Variants in PTPRD observed in about 807,000 individuals in gnomAD.
PTPRD encodes receptor-type tyrosine-protein phosphatase delta.
A neutral mutation model predicts 214.5 loss-of-function variants in PTPRD; 34 were observed. The ratio of observed to expected loss-of-function variants is 0.16; its 90% CI spans 0.12 to 0.21. The LOEUF (loss-of-function observed/expected upper bound fraction) is 0.21. Among genes scored for constraint, PTPRD ranks in the 10% least tolerant of loss-of-function variants. The probability of loss-of-function intolerance (pLI) is 1.00; values close to 1 mark genes in which losing one functional copy is unlikely to be tolerated. For synonymous variants in PTPRD, 1,128 were observed against 845.7 expected (o/e 1.33, Z -5.79); for missense variants, 2,545 against 2,398.7 (o/e 1.06, Z -1.27).
At position 9,536,497 on chromosome 9, in the gene PTPRD, G is replaced by A. The variant is rs62534660; in HGVS notation, c.-237+38235C>T. Among the ~76,000 whole-genome samples, 8 of 152,150 alleles carry A rather than the reference G, an allele frequency of 5.3e-5. No homozygotes were observed. The East Asian group carries it at 9.7e-4, about 18-fold the overall frequency. On this transcript the variant is annotated intron_variant, in intron 8 of 45. Transcript: ENST00000381196. ...AATCAGTAATATCCATGCATCTGTT[G>A]AAAACCAATCAACCCGTTTAAGATT...
chr9:8,899,862 T>C (rs2098652579), intron 11 of PTPRD, among the ~76,000 whole-genome samples: 1 of 152,188 alleles, frequency 6.6e-6, no homozygotes, highest in African/African-American at 2.4e-5. Context: ...GGTTAAAATC[T>C]AGACATTCAA....
intron 3 of PTPRD, among the ~76,000 whole-genome samples, chr9:10,260,978 G>A (rs903962050): frequency 1.4e-5 from 2 of 146,462 alleles, no homozygotes; most frequent in East Asian, 3.9e-4. Flanking sequence ...ATATATGTGT[G>A]TATATATATG....
chr9:8,901,652 T>C (rs752105936), intron 11 of PTPRD, among the ~76,000 whole-genome samples: 2 of 152,184 alleles, frequency 1.3e-5, no homozygotes, highest in African/African-American at 4.8e-5. Context: ...GTTCCCCTTC[T>C]TTCTCTGGCT....
chr9:10,507,694 G>A (rs1162133732), intron 2 of PTPRD, among the ~76,000 whole-genome samples: 2 of 152,092 alleles, frequency 1.3e-5, no homozygotes, highest in Non-Finnish European at 2.9e-5. Context: ...AACAAGAAAT[G>A]GGGAAAGGAG....
intron 11 of PTPRD, among the ~76,000 whole-genome samples, chr9:8,868,826 CTCAT>C (rs745805082): frequency 6.6e-6 from 1 of 152,150 alleles, no homozygotes; most frequent in Non-Finnish European, 1.5e-5. Flanking sequence ...CATCCCGCTG[CTCAT>C]TCAATCAAAC....
intron 5 of PTPRD, among the ~76,000 whole-genome samples, chr9:9,775,679 C>T (rs2154485507): frequency 6.6e-6 from 1 of 152,240 alleles, no homozygotes; most frequent in Admixed American, 6.5e-5. Context: ...TGCGGTGGCT[C>T]ACGCCTGTAA....
At chr9:9,950,360 C>T (rs2093327176) in intron 4 of PTPRD, among the ~76,000 whole-genome samples, 1 of 152,128 alleles carries the variant, frequency 6.6e-6, no homozygotes, top group Admixed American at 6.5e-5. Flanking sequence ...GCTAGGGAAG[C>T]TGGTGGAGAA....
chr9:10,047,325 TGTGTGTGTGTGTGC>T (rs2097422759), intron 3 of PTPRD, among the ~76,000 whole-genome samples: 1 of 150,598 alleles, frequency 6.6e-6, no homozygotes, highest in African/African-American at 2.4e-5. Flanking sequence ...TGTGTGTGTG[TGTGTGTGTGTGTGC>T]GTGTGTGTGT....
intron 8 of PTPRD, among the ~76,000 whole-genome samples, chr9:9,518,746 G>C (rs904856343): frequency 1.3e-5 from 2 of 151,764 alleles, no homozygotes; most frequent in African/African-American, 2.4e-5. Context: ...GAATGGACAA[G>C]GCAGCACAGT....
At chr9:9,239,756 C>T (rs942443024) in intron 9 of PTPRD, among the ~76,000 whole-genome samples, 2 of 152,158 alleles carry the variant, frequency 1.3e-5, no homozygotes, top group Non-Finnish European at 2.9e-5. Flanking sequence ...ATAGTCCTGT[C>T]CTCCCTGGCC....
intron 8 of PTPRD, among the ~76,000 whole-genome samples, chr9:9,416,117 G>C (rs568439244): frequency 1.4e-4 from 21 of 152,200 alleles, no homozygotes; most frequent in Middle Eastern, 3.4e-3. Context: ...TATCTCTTGA[G>C]GGCATTGCTT....
chr9:9,071,681 A>G (rs1260454012), intron 10 of PTPRD, among the ~76,000 whole-genome samples: 1 of 152,126 alleles, frequency 6.6e-6, no homozygotes, highest in Non-Finnish European at 1.5e-5. Flanking sequence ...ATTTTCCCCA[A>G]TCAAACCTAC....
At chr9:10,313,672 A>G (rs2096335736) in intron 3 of PTPRD, among the ~76,000 whole-genome samples, 1 of 151,932 alleles carries the variant, frequency 6.6e-6, no homozygotes, top group Non-Finnish European at 1.5e-5. Context: ...CATTAAGTCT[A>G]CTGCCAGTTC....
chr9:10,168,198 C>A (rs2099170994), intron 3 of PTPRD, among the ~76,000 whole-genome samples: 1 of 152,224 alleles, frequency 6.6e-6, no homozygotes, highest in African/African-American at 2.4e-5. Flanking sequence ...AATCAAACAT[C>A]TTACATAATA....
At chr9:10,143,125 G>T (rs2098998217) in intron 3 of PTPRD, among the ~76,000 whole-genome samples, 1 of 152,090 alleles carries the variant, frequency 6.6e-6, no homozygotes, top group Non-Finnish European at 1.5e-5. Context: ...GGACTGTTGT[G>T]AGGTGGGGGG....
rs146807692 is a variant in PTPRD, at chr9:8,500,558, G to GAAAAAAAAAAAAAAAAAAAAAAA, written c.2128+173_2128+195dup. Among the ~76,000 whole-genome samples, 7 of 14,316 alleles carry GAAAAAAAAAAAAAAAAAAAAAAA rather than the reference G, an allele frequency of 4.9e-4. 2 individuals are homozygous for GAAAAAAAAAAAAAAAAAAAAAAA. Among genetic ancestry groups the GAAAAAAAAAAAAAAAAAAAAAAA allele is most frequent in the East Asian group, 1.5e-3 (1 of 654 alleles). 9.4% of individuals were successfully genotyped at this position (14,316 alleles called of 152,430 possible). On this transcript the variant is annotated intron_variant, in intron 24 of 45. Transcript: ENST00000381196. ...TTACTGCATTGAGATTGAAAAAAAT[G>GAAAAAAAAAAAAAAAAAAAAAAA]AAAAAAAAAAAAAAAAAAAAAAAAA...
At chr9:9,180,844 A>G (rs1243578910) in intron 10 of PTPRD, among the ~76,000 whole-genome samples, 2 of 152,140 alleles carry the variant, frequency 1.3e-5, no homozygotes, top group Non-Finnish European at 2.9e-5. Context: ...CATGTCTTAC[A>G]ATATTTTTGT....
chr9:8,763,239 T>G (rs984837562), intron 11 of PTPRD, among the ~76,000 whole-genome samples: 3 of 152,176 alleles, frequency 2.0e-5, no homozygotes, highest in Non-Finnish European at 4.4e-5. Flanking sequence ...AGGCCAGGGA[T>G]AGTGGCTCAT....
In PTPRD at chr9:10,540,917, G is replaced by T. The variant is rs530957253; in HGVS notation, c.-600+71481C>A. ...GAGGCCAAAGAATGAAATACCAGGG[G>T]TGTTGCAGGTCAGTGCACTGGCAGG... On this transcript the variant is annotated intron_variant, in intron 2 of 45. Transcript: ENST00000381196. Among the ~76,000 whole-genome samples the T allele has an allele frequency of 3.3e-5, 5 of 152,226 alleles. No individual in the cohort carries two copies. In the East Asian group the frequency reaches 7.7e-4, roughly 24 times the overall value.
Sources: gnomAD v4.1 joint callset for allele counts (sites outside exome capture counted in the v4.1 genomes callset) on GRCh38, gnomAD v4.1.1 for gene constraint, MANE v1.5 for transcripts, NCBI Gene and HGNC (gene_info 2026-07-23, HGNC 2026-07-21) for gene names.